NLGN1: variants seen among roughly 807,000 people sequenced by gnomAD.
The protein encoded by NLGN1 is neuroligin-1.
NLGN1 carries 12 observed loss-of-function variants against 65.5 expected under a neutral mutation model. The ratio of observed to expected loss-of-function variants is 0.18; its 90% CI spans 0.12 to 0.30. The LOEUF is 0.30. Ranked by LOEUF, NLGN1 falls within the 10% of genes least tolerant of loss-of-function variation. The pLI is 1.00. For missense variants in NLGN1, 750 were observed against 1,007.1 expected, an observed-to-expected ratio of 0.74 and a Z score of 3.46; for synonymous variants, 350 against 359.5, an observed-to-expected ratio of 0.97 and a Z score of 0.30.
chr3:174,281,237 A>G, exon 7 of NLGN1: 2 of 1,613,164 alleles, frequency 1.2e-6, no homozygotes, highest in East Asian at 2.2e-5. Flanking sequence ...CATTTACTGG[A>G]GGACAGAACA....
At chr3:174,009,401 A>G (rs1725067954) in intron 4 of NLGN1, among the ~76,000 whole-genome samples, 1 of 152,166 alleles carries the variant, frequency 6.6e-6, no homozygotes, top group Admixed American at 6.6e-5. Context: ...TTGAGTGTTT[A>G]TTATATGTCA....
At chr3:174,191,031 T>A (rs1379372028) in intron 4 of NLGN1, among the ~76,000 whole-genome samples, 1 of 151,938 alleles carries the variant, frequency 6.6e-6, no homozygotes, top group African/African-American at 2.4e-5. Context: ...GTAACTTTCA[T>A]TTTCCCACAT....
At chr3:173,814,110 G>T (rs1477053904) in intron 4 of NLGN1, among the ~76,000 whole-genome samples, 1 of 152,226 alleles carries the variant, frequency 6.6e-6, no homozygotes, top group East Asian at 1.9e-4. Flanking sequence ...GGGTTCGTGG[G>T]GTCTGTGGCT....
chr3:173,539,298 G>C (rs950213640), intron 2 of NLGN1, among the ~76,000 whole-genome samples: 1 of 151,166 alleles, frequency 6.6e-6, no homozygotes, highest in African/African-American at 2.4e-5. Context: ...AGCAAGAGTG[G>C]GGATATGTAC....
chr3:173,847,744 C>T (rs1578766503), intron 4 of NLGN1, among the ~76,000 whole-genome samples: 1 of 152,162 alleles, frequency 6.6e-6, no homozygotes, highest in East Asian at 1.9e-4. Flanking sequence ...TGGTGGCATG[C>T]GCCTGTAGTC....
chr3:174,245,950 T>C (rs760064203), intron 4 of NLGN1, among the ~76,000 whole-genome samples: 15 of 152,224 alleles, frequency 9.9e-5, no homozygotes, highest in Non-Finnish European at 1.5e-4. Flanking sequence ...CTAGCTTCGA[T>C]AGAATTGTAC....
At chr3:173,524,482 T>TC (rs1056654385) in intron 2 of NLGN1, among the ~76,000 whole-genome samples, 2 of 152,182 alleles carry the variant, frequency 1.3e-5, no homozygotes, top group African/African-American at 4.8e-5. Flanking sequence ...TTAAGGGTTG[T>TC]CCGTGTATAC....
intron 4 of NLGN1, among the ~76,000 whole-genome samples, chr3:173,903,852 G>T (rs1467892847): frequency 6.6e-6 from 1 of 152,106 alleles, no homozygotes; most frequent in Non-Finnish European, 1.5e-5. Context: ...GCTGTAAGGA[G>T]ATCTTTTATT....
intron 4 of NLGN1, among the ~76,000 whole-genome samples, chr3:173,822,757 G>A (rs1343252070): frequency 6.6e-6 from 1 of 151,882 alleles, no homozygotes; most frequent in Non-Finnish European, 1.5e-5. Context: ...AAGTTCATCA[G>A]CTATCTTTAA....
intron 3 of NLGN1, among the ~76,000 whole-genome samples, chr3:173,763,289 C>T (rs951960149): frequency 6.6e-6 from 1 of 152,028 alleles, no homozygotes; most frequent in African/African-American, 2.4e-5. Context: ...TCCTAACCCC[C>T]ACTAGAATCT....
intron 4 of NLGN1, among the ~76,000 whole-genome samples, chr3:173,846,839 C>CCCT (rs1725883559): frequency 6.6e-6 from 1 of 152,178 alleles, no homozygotes; most frequent in African/African-American, 2.4e-5. Context: ...TATTACTCAG[C>CCCT]CCTCTATGTG....
At chr3:173,733,211 C>A (rs1206021735) in intron 3 of NLGN1, among the ~76,000 whole-genome samples, 2 of 152,038 alleles carry the variant, frequency 1.3e-5, no homozygotes, top group Non-Finnish European at 2.9e-5. Context: ...GTGGGAAGAT[C>A]CAATTTGAAC....
intron 4 of NLGN1, among the ~76,000 whole-genome samples, chr3:174,251,990 A>G (rs1231926531): frequency 6.6e-6 from 1 of 152,200 alleles, no homozygotes; most frequent in Non-Finnish European, 1.5e-5. Context: ...AAATTAGTTT[A>G]TAACAAAACC....
At chr3:173,994,318 C>T (rs947470165) in intron 4 of NLGN1, among the ~76,000 whole-genome samples, 2 of 151,844 alleles carry the variant, frequency 1.3e-5, no homozygotes, top group Non-Finnish European at 2.9e-5. Flanking sequence ...AGACTGGTCT[C>T]AAACTCGCTC....
At chr3:173,780,614 T>A (rs1780980138) in intron 3 of NLGN1, among the ~76,000 whole-genome samples, 2 of 152,206 alleles carry the variant, frequency 1.3e-5, no homozygotes, top group Admixed American at 1.3e-4. Context: ...AAAACTCCAA[T>A]TCATTTATTC....
chr3:174,088,614 G>A (rs1348403888), intron 4 of NLGN1, among the ~76,000 whole-genome samples: 4 of 151,640 alleles, frequency 2.6e-5, no homozygotes, highest in East Asian at 1.9e-4. Context: ...TTAGCCGGGC[G>A]CGGTGGCAGG....
chr3:173,458,281 T>A lies in NLGN1; in HGVS notation c.-321+23203T>A, dbSNP rs138211172. Among the ~76,000 whole-genome samples the A allele has an allele frequency of 3.3e-5, 5 of 152,166 alleles. No homozygotes were observed. The East Asian group carries it at 7.7e-4, about 24-fold the overall frequency. ...TCTTTTGCTTTGTTTTGTTTTGTTT[T>A]GTTTTTGCATAATCCTGAAGGTCAG... On this transcript the variant is annotated intron_variant, in intron 2 of 6. Transcript: ENST00000457714.
chr3:174,180,981 A>T (rs1730304748), intron 4 of NLGN1: 2 of 152,146 alleles, frequency 1.3e-5, no homozygotes, highest in South Asian at 2.1e-4. Context: ...AATGCAGAGA[A>T]ATCAGATGTA....
intron 4 of NLGN1, among the ~76,000 whole-genome samples, chr3:174,011,174 T>C (rs569087284): frequency 2.6e-4 from 39 of 152,306 alleles, no homozygotes; most frequent in African/African-American, 9.1e-4. Context: ...GTCAAATGCA[T>C]TCATCTTTAT....
Sources: gnomAD v4.1 joint callset for allele counts (sites outside exome capture counted in the v4.1 genomes callset) on GRCh38, gnomAD v4.1.1 for gene constraint, MANE v1.5 for transcripts, NCBI Gene and HGNC (gene_info 2026-07-23, HGNC 2026-07-21) for gene names.